SEC61A2: variants seen among roughly 807,000 people sequenced by gnomAD.
SEC61A2 encodes protein transport protein Sec61 subunit alpha isoform 2.
In SEC61A2, 28 loss-of-function variants were observed where a neutral mutation model predicts 59.9. The observed-to-expected ratio is 0.47, with a 90% CI of 0.35 to 0.64. The LOEUF (loss-of-function observed/expected upper bound fraction) is 0.64. SEC61A2 is among the 30% of genes least tolerant of loss of function. The pLI, the probability that SEC61A2 is intolerant of heterozygous loss-of-function variation, is 0.01. For synonymous variants in SEC61A2, 202 were observed against 214.4 expected (o/e 0.94, Z 0.50); for missense variants, 340 against 585.9 (o/e 0.58, Z 4.33).
intron 2 of SEC61A2, among the ~76,000 whole-genome samples, chr10:12,133,637 G>A (rs921130766): frequency 2.0e-5 from 3 of 152,198 alleles, no homozygotes; most frequent in African/African-American, 4.8e-5. Flanking sequence ...TGTGTATTGT[G>A]TTTGCTAATG....
rs1303182965 is a variant in SEC61A2, at chr10:12,153,256, T to C, written c.463-2522T>C. 6.6e-6 allele frequency among the ~76,000 whole-genome samples: 1 copy of C among 152,208 alleles called. No individual in the cohort carries two copies. Among genetic ancestry groups the C allele is most frequent in the African/African-American group, 2.4e-5 (1 of 41,446 alleles). ...TATGCTTTAGGCATTGTTGAGGTTATGGACAGGCCAATTGTTGCCTTCAGT... is the reference window on the plus strand; with the variant it reads ...TATGCTTTAGGCATTGTTGAGGTTACGGACAGGCCAATTGTTGCCTTCAGT... On this transcript the variant is annotated intron_variant, in intron 6 of 11. Transcript: ENST00000298428. The surrounding 1 kb of genome is among the most constrained non-coding windows in gnomAD (Gnocchi z 5.2).
chr10:12,163,256 G>T (rs1032371417), intron 11 of SEC61A2, among the ~76,000 whole-genome samples: 2 of 145,204 alleles, frequency 1.4e-5, no homozygotes, highest in South Asian at 4.4e-4. Flanking sequence ...GATCCTCCCC[G>T]CCTCAACCTC....
At position 12,155,436 on chromosome 10, in the gene SEC61A2, C is replaced by T; in HGVS notation, c.463-342C>T. ...TGGGATGTTTTCAGTTTCTTGCTGT[C>T]ATAAATTCTAGAATACTGTGATCAT... is the stretch of plus-strand genomic sequence containing the variant. On this transcript the variant is annotated intron_variant, in intron 6 of 11. Transcript: ENST00000298428. This position sits in a 1 kb window ranked among gnomAD's most constrained non-coding sequence, Gnocchi z 4.3. 8.1e-7 allele frequency: 1 copy of T among 1,241,506 alleles called. No homozygotes were observed. The highest frequency in any genetic ancestry group is 1.1e-6 in the Non-Finnish European group (1 of 905,930). 76.9% of individuals were successfully genotyped at this position (1,241,506 alleles called of 1,614,324 possible).
downstream of SEC61A2, chr10:12,167,625 A>G (rs920093180): frequency 8.7e-6 from 12 of 1,385,558 alleles, no homozygotes; most frequent in Non-Finnish European, 1.1e-5. Context: ...TCTACATTAA[A>G]CTAAGTTGAA....
In SEC61A2 at chr10:12,161,883, G is replaced by A. The variant is rs974569114; in HGVS notation, c.1168-330G>A. 1.5e-4 allele frequency among the ~76,000 whole-genome samples: 23 copies of A among 152,080 alleles called. No homozygotes were observed. Among genetic ancestry groups the A allele is most frequent in the African/African-American group, 5.6e-4 (23 of 41,418 alleles). ...AAGCTTTAATTTATACATTTTTAAT[G>A]AGTCAGTGTCACCCCAACAGGCTAA... On this transcript the variant is annotated intron_variant, in intron 10 of 11. Transcript: ENST00000298428. This position sits in a 1 kb window ranked among gnomAD's most constrained non-coding sequence, Gnocchi z 5.4.
In SEC61A2 at chr10:12,165,026, A is replaced by G; in HGVS notation, c.*572A>G. 5.1e-6 allele frequency: 5 copies of G among 985,914 alleles called. No homozygotes were observed. Among genetic ancestry groups the G allele is most frequent in the Non-Finnish European group, 6.0e-6 (5 of 830,306 alleles). 61.1% of individuals were successfully genotyped at this position (985,914 alleles called of 1,614,324 possible). On this transcript the variant is annotated 3_prime_UTR_variant, in exon 12 of 12. Coordinates refer to ENST00000298428, the MANE Select transcript of SEC61A2 (RefSeq NM_018144.4). ...CAAGTCTCCAGTTATTTCTGCCACAACTGCTTCTAAGGCCTCCTCCTTCTC... is the reference window on the plus strand; with the variant it reads ...CAAGTCTCCAGTTATTTCTGCCACAGCTGCTTCTAAGGCCTCCTCCTTCTC...
rs1189589181 is a variant in SEC61A2 at position 12,162,642 on chromosome 10, G to T, written c.1244+353G>T. 1.3e-5 allele frequency among the ~76,000 whole-genome samples: 2 copies of T among 152,062 alleles called. No individual in the cohort carries two copies. The highest frequency in any genetic ancestry group is 2.9e-5 in the Non-Finnish European group (2 of 68,008). ...CCAGGCATCAGGGTTTTATTTTTTG[G>T]TAACAGCTTTATTGAGATAAAATTC... On this transcript the variant is annotated intron_variant, in intron 11 of 11. Transcript: ENST00000298428. The surrounding 1 kb of genome is among the most constrained non-coding windows in gnomAD (Gnocchi z 6.1).
Position 12,164,155 on chromosome 10 carries a change from T to G in SEC61A2, c.1245-113T>G. On this transcript the variant is annotated intron_variant, in intron 11 of 11. Transcript: ENST00000298428. The surrounding 1 kb of genome is among the most constrained non-coding windows in gnomAD (Gnocchi z 7.3). ...CACTGCAGCCTGTTCCCTCTGGAGT[T>G]CAGGGAGGCTTTAGACCCAGCTATG... The G allele has an allele frequency of 8.2e-7, 1 of 1,216,688 alleles. No individual in the cohort carries two copies. Among genetic ancestry groups the G allele is most frequent in the Non-Finnish European group, 1.1e-6 (1 of 873,422 alleles). The allele number at this position is 1,216,688 out of a possible 1,614,324, so 75.4% of individuals were successfully genotyped here.
downstream of SEC61A2, chr10:12,169,449 C>G: frequency 2.9e-6 from 2 of 680,164 alleles, no homozygotes; most frequent in Non-Finnish European, 2.4e-6. This position sits in a 1 kb window ranked among gnomAD's most constrained non-coding sequence, Gnocchi z 4.8. Flanking sequence ...GCTACAGAAC[C>G]TGTTTGATGT....
rs1834494469 is a variant in SEC61A2, at chr10:12,160,113, C to T, written c.976-817C>T. Among the ~76,000 whole-genome samples the T allele has an allele frequency of 6.6e-6, 1 of 152,118 alleles. No individual in the cohort carries two copies. The highest frequency in any genetic ancestry group is 2.1e-4 in the South Asian group (1 of 4,830). On this transcript the variant is annotated intron_variant, in intron 9 of 11. Coordinates refer to ENST00000298428, the MANE Select transcript of SEC61A2 (RefSeq NM_018144.4). This position sits in a 1 kb window ranked among gnomAD's most constrained non-coding sequence, Gnocchi z 4.1. ...TGCCCTCCTTAGAATAGTCCAGCAG[C>T]AGCTATTACTCTGATCAGAATGTCA...
At chr10:12,139,513 G>A (rs1005286942) in intron 3 of SEC61A2, among the ~76,000 whole-genome samples, 7 of 151,734 alleles carry the variant, frequency 4.6e-5, no homozygotes, top group African/African-American at 7.3e-5. Context: ...AGCTGGGCGC[G>A]GTAGCTCACA....
intron 4 of SEC61A2, among the ~76,000 whole-genome samples, chr10:12,146,322 A>G (rs1352440478): frequency 6.6e-6 from 1 of 151,488 alleles, no homozygotes; most frequent in Non-Finnish European, 1.5e-5. Flanking sequence ...CTGGCCCCAG[A>G]TTATTTGTTT....
chr10:12,163,667 C>T (rs1834587289), intron 11 of SEC61A2, among the ~76,000 whole-genome samples: 1 of 151,972 alleles, frequency 6.6e-6, no homozygotes, highest in Non-Finnish European at 1.5e-5. Flanking sequence ...GTTGTCCCAG[C>T]ATCATTTGTT....
rs1380728933 is a variant in SEC61A2 at position 12,158,975 on chromosome 10, T to C, written c.975+870T>C. Among the ~76,000 whole-genome samples the C allele has an allele frequency of 6.6e-6, 1 of 150,882 alleles. No individual in the cohort carries two copies. The highest frequency in any genetic ancestry group is 1.9e-4 in the East Asian group (1 of 5,154). ...TCATATACATCCCCCATCATAATTT[T>C]TTTTTCTTTTTTTTTTTTTTGAGAC... On this transcript the variant is annotated intron_variant, in intron 9 of 11. Transcript: ENST00000298428. This position sits in a 1 kb window ranked among gnomAD's most constrained non-coding sequence, Gnocchi z 5.7.
chr10:12,139,184 A>G (rs944574071), intron 3 of SEC61A2, among the ~76,000 whole-genome samples: 104 of 147,390 alleles, frequency 7.1e-4, no homozygotes, highest in African/African-American at 2.5e-3. Flanking sequence ...CTGTTCTTGA[A>G]CTCCTGACCT....
At position 12,155,209 on chromosome 10, in the gene SEC61A2, C is replaced by G. The variant is rs1834368557; in HGVS notation, c.463-569C>G. ...TATAGAATGCATTTTTACATTGCTG[C>G]TCGAGTACGTATTTGAGTACATATT... On this transcript the variant is annotated intron_variant, in intron 6 of 11. Transcript: ENST00000298428. This position sits in a 1 kb window ranked among gnomAD's most constrained non-coding sequence, Gnocchi z 4.3. The G allele has an allele frequency of 1.4e-6, 1 of 722,988 alleles. No individual in the cohort carries two copies. The highest frequency in any genetic ancestry group is 1.8e-5 in the African/African-American group (1 of 54,458). The allele number at this position is 722,988 out of a possible 1,614,324, so 44.8% of individuals were successfully genotyped here.
rs1834335038 is a variant in SEC61A2 at position 12,153,742 on chromosome 10, T to C, written c.463-2036T>C. ...ACCCATTGGTGTCTTTTCAAGGCGT[T>C]ACTAACATTGAAAATATGTGGATAC... On this transcript the variant is annotated intron_variant, in intron 6 of 11. Transcript: ENST00000298428. This position sits in a 1 kb window ranked among gnomAD's most constrained non-coding sequence, Gnocchi z 5.2. 6.2e-7 allele frequency: 1 copy of C among 1,611,674 alleles called. No individual in the cohort carries two copies. Among genetic ancestry groups the C allele is most frequent in the Non-Finnish European group, 8.5e-7 (1 of 1,179,506 alleles).
downstream of SEC61A2, chr10:12,167,648 G>C (rs1003949467): frequency 2.6e-6 from 4 of 1,532,650 alleles, no homozygotes; most frequent in African/African-American, 2.7e-5. Flanking sequence ...CAAAGTCTTA[G>C]TGAAGAAGGC....
chr10:12,143,522 G>A lies in SEC61A2; in HGVS notation c.220+327G>A, dbSNP rs1834070602. ...GGCCAAGGTGGGCAGATCACCTGAG[G>A]TCAGGAGTTTGAGACCAGCCTGGCC... On this transcript the variant is annotated intron_variant, in intron 4 of 11. Coordinates refer to ENST00000298428, the MANE Select transcript of SEC61A2 (RefSeq NM_018144.4). The surrounding 1 kb of genome is among the most constrained non-coding windows in gnomAD (Gnocchi z 4.8). Among the ~76,000 whole-genome samples, 1 of 152,078 alleles carries A rather than the reference G, an allele frequency of 6.6e-6. No homozygotes were observed. The highest frequency in any genetic ancestry group is 2.1e-4 in the South Asian group (1 of 4,816).
Sources: allele counts gnomAD v4.1 joint callset (sites outside exome capture counted in the v4.1 genomes callset), GRCh38; gene constraint gnomAD v4.1.1; non-coding constraint Gnocchi (gnomAD v3.1); transcripts MANE v1.5; gene names NCBI Gene and HGNC (gene_info 2026-07-23, HGNC 2026-07-21).